The following PCED1B variants were observed in gnomAD, a reference collection of about 807,000 sequenced individuals.
PCED1B encodes PC-esterase domain-containing protein 1B.
For missense variants in PCED1B, 573 were observed against 573.9 expected, an observed-to-expected ratio of 1.00 and a Z score of 0.02; for synonymous variants, 251 against 246.1, an observed-to-expected ratio of 1.02 and a Z score of -0.19.
At chr12:47,214,061 T>C (rs1943174446) in intron 2 of PCED1B, among the ~76,000 whole-genome samples, 1 of 152,198 alleles carries the variant, frequency 6.6e-6, no homozygotes, top group Non-Finnish European at 1.5e-5. Context: ...ATGGCAGATT[T>C]TTCAAAGTTA....
chr12:47,142,571 A>G (rs1249529774), intron 2 of PCED1B, among the ~76,000 whole-genome samples: 1 of 152,228 alleles, frequency 6.6e-6, no homozygotes, highest in Non-Finnish European at 1.5e-5. Context: ...AAATGCAATC[A>G]TGGAAACAAT....
At chr12:47,135,230 G>C (rs1479509999) in intron 2 of PCED1B, among the ~76,000 whole-genome samples, 1 of 152,068 alleles carries the variant, frequency 6.6e-6, no homozygotes, top group Non-Finnish European at 1.5e-5. Context: ...CTCCTTCAAA[G>C]GATATATGCA....
At chr12:47,215,218 A>G (rs1943215281) in intron 2 of PCED1B, among the ~76,000 whole-genome samples, 1 of 150,652 alleles carries the variant, frequency 6.6e-6, no homozygotes, top group South Asian at 2.1e-4. Flanking sequence ...ACAAATGCCT[A>G]CACTTATCTA....
chr12:47,218,268 A>G lies in PCED1B; in HGVS notation c.-58+1579A>G, dbSNP rs567890989. 3.3e-5 allele frequency among the ~76,000 whole-genome samples: 5 copies of G among 152,342 alleles called. No individual in the cohort carries two copies. In the East Asian group the frequency reaches 9.6e-4, roughly 29 times the overall value. ...GTGGGGAAAACCATGGCCTGGGGAA[A>G]GGCCTAATGTGAGAAGTTAGTCGGT... On this transcript the variant is annotated intron_variant, in intron 3 of 3. Transcript: ENST00000546455.
At chr12:47,132,076 C>T (rs1023830871) in intron 2 of PCED1B, among the ~76,000 whole-genome samples, 7 of 152,128 alleles carry the variant, frequency 4.6e-5, no homozygotes, top group African/African-American at 7.2e-5. Context: ...TCATTAGCAT[C>T]GAGTGGAAAC....
intron 2 of PCED1B, chr12:47,210,393 C>G (rs2137760804): frequency 6.6e-6 from 1 of 152,284 alleles, no homozygotes; most frequent in African/African-American, 2.4e-5. Context: ...GATTCAAAGA[C>G]TTACAATTAC....
At chr12:47,214,134 A>G (rs1390349824) in intron 2 of PCED1B, among the ~76,000 whole-genome samples, 1 of 152,218 alleles carries the variant, frequency 6.6e-6, no homozygotes, top group Non-Finnish European at 1.5e-5. Context: ...CCTTGATTCT[A>G]TTAAATTTCC....
chr12:47,201,693 G>A lies in PCED1B; in HGVS notation c.-525-14529G>A, dbSNP rs188841457. 6.7e-3 allele frequency among the ~76,000 whole-genome samples: 1,019 copies of A among 151,988 alleles called. 39 individuals carry two copies. Among genetic ancestry groups the A allele is most frequent in the Admixed American group, 0.059 (905 of 15,262 alleles). ...GGCTCGCTGCAGCCTCAACCTCCCG[G>A]GCTTAGGTGATCCTCCCACCTCAGC... On this transcript the variant is annotated intron_variant, in intron 2 of 3. Coordinates refer to ENST00000546455, the MANE Select transcript of PCED1B (RefSeq NM_138371.3).
intron 2 of PCED1B, among the ~76,000 whole-genome samples, chr12:47,123,151 A>T (rs1939748381): frequency 6.6e-6 from 1 of 152,204 alleles, no homozygotes; most frequent in Non-Finnish European, 1.5e-5. Context: ...AGTTTTCCAC[A>T]AAACAAGGTA....
chr12:47,096,332 C>T (rs991186142), intron 1 of PCED1B, among the ~76,000 whole-genome samples: 2 of 151,916 alleles, frequency 1.3e-5, no homozygotes, highest in African/African-American at 4.8e-5. Context: ...ATTAGATAAA[C>T]TTTGATTTCA....
chr12:47,128,041 T>C (rs1004528956), intron 2 of PCED1B, among the ~76,000 whole-genome samples: 3 of 152,208 alleles, frequency 2.0e-5, no homozygotes, highest in Non-Finnish European at 4.4e-5. Context: ...TGATGCATGG[T>C]TGCATCCTTC....
chr12:47,231,838 G>C (rs913831979), intron 3 of PCED1B, among the ~76,000 whole-genome samples: 1 of 152,140 alleles, frequency 6.6e-6, no homozygotes, highest in Non-Finnish European at 1.5e-5. Flanking sequence ...CTGGCCCAGG[G>C]AAGGCACATC....
At chr12:47,144,310 C>G (rs1474069981) in intron 2 of PCED1B, among the ~76,000 whole-genome samples, 1 of 152,142 alleles carries the variant, frequency 6.6e-6, no homozygotes, top group African/African-American at 2.4e-5. Context: ...TGAAACTATC[C>G]TGCCCTCCTA....
intron 3 of PCED1B, among the ~76,000 whole-genome samples, chr12:47,233,265 T>G (rs1472932120): frequency 6.6e-6 from 1 of 152,118 alleles, no homozygotes; most frequent in Non-Finnish European, 1.5e-5. Flanking sequence ...CACGCCATTC[T>G]CCTGCCTCAG....
intron 2 of PCED1B, among the ~76,000 whole-genome samples, chr12:47,152,367 G>C (rs1941025366): frequency 1.3e-5 from 2 of 152,140 alleles, no homozygotes; most frequent in Non-Finnish European, 2.9e-5. Flanking sequence ...GCACAATATT[G>C]CTTCTGGAGT....
chr12:47,080,105 G>A (rs1485163643), intron 1 of PCED1B, among the ~76,000 whole-genome samples: 1 of 152,108 alleles, frequency 6.6e-6, no homozygotes, highest in South Asian at 2.1e-4. Flanking sequence ...GCTCCCACCC[G>A]GACCTCTAGA....
At chr12:47,193,321 C>G (rs548672078) in intron 2 of PCED1B, among the ~76,000 whole-genome samples, 1 of 152,198 alleles carries the variant, frequency 6.6e-6, no homozygotes, top group African/African-American at 2.4e-5. Context: ...ATGAGCATCA[C>G]TGTCCACTCA....
At chr12:47,194,321 C>T (rs1184856072) in intron 2 of PCED1B, among the ~76,000 whole-genome samples, 3 of 152,074 alleles carry the variant, frequency 2.0e-5, no homozygotes, top group South Asian at 2.1e-4. Flanking sequence ...ATTACAGGCG[C>T]GCAGCACCAC....
At chr12:47,197,395 T>A (rs1033908672) in intron 2 of PCED1B, among the ~76,000 whole-genome samples, 3 of 149,188 alleles carry the variant, frequency 2.0e-5, no homozygotes, top group African/African-American at 7.4e-5. Flanking sequence ...TCACCTGAGG[T>A]CAGGAGTTTG....
Sources: gnomAD v4.1 joint callset for allele counts (sites outside exome capture counted in the v4.1 genomes callset) on GRCh38, gnomAD v4.1.1 for gene constraint, MANE v1.5 for transcripts, NCBI Gene and HGNC (gene_info 2026-07-23, HGNC 2026-07-21) for gene names.